The following MRE11 variants were observed in gnomAD, a reference collection of about 807,000 sequenced individuals.
MRE11 encodes double-strand break repair protein MRE11.
Under a neutral mutation model 91.7 loss-of-function variants are expected in MRE11, and 62 were observed. That is an observed-to-expected ratio of 0.68 (90% CI 0.55 to 0.84). The LOEUF is 0.84. MRE11 is among the 40% of genes least tolerant of loss of function. The pLI is 0.00. For synonymous variants in MRE11, 273 were observed against 271.4 expected (o/e 1.01, Z -0.06); for missense variants, 796 against 852.9 (o/e 0.93, Z 0.83).
intron 3 of MRE11, among the ~76,000 whole-genome samples, chr11:94,489,822 T>G (rs374974265): frequency 1.9e-4 from 29 of 152,280 alleles, no homozygotes; most frequent in African/African-American, 5.8e-4. Context: ...AACTCTAAGT[T>G]TGTCGAAATC....
intron 13 of MRE11, among the ~76,000 whole-genome samples, chr11:94,457,750 A>C (rs1309234494): frequency 1.3e-5 from 2 of 152,056 alleles, no homozygotes; most frequent in African/African-American, 4.8e-5. Context: ...GAGGATACTG[A>C]GGGATAGGTG....
At chr11:94,489,936 G>A (rs1205031869) in intron 3 of MRE11, among the ~76,000 whole-genome samples, 2 of 152,046 alleles carry the variant, frequency 1.3e-5, no homozygotes, top group Admixed American at 1.3e-4. Flanking sequence ...ACACTTCAGA[G>A]TCACTGTCAT....
At chr11:94,453,299 A>C (rs12284009) in intron 14 of MRE11, among the ~76,000 whole-genome samples, 6,510 of 152,276 alleles carry the variant, frequency 0.043, 460 homozygotes, top group African/African-American at 0.15. Flanking sequence ...CTGATGTACA[A>C]ATAAGTTCCT....
At chr11:94,462,868 G>A (rs970082423) in intron 11 of MRE11, among the ~76,000 whole-genome samples, 1 of 152,182 alleles carries the variant, frequency 6.6e-6, no homozygotes, top group Non-Finnish European at 1.5e-5. Context: ...ACAGAGGCAT[G>A]AGCAAGGACT....
chr11:94,420,319 C>A (rs1945137069), intron 19 of MRE11, 138 bp from the exon 20 acceptor site: 1 of 642,266 alleles, frequency 1.6e-6, no homozygotes, highest in Non-Finnish European at 2.7e-6. Context: ...TCCTTTATAA[C>A]TGCAAAATAT....
intron 18 of MRE11, among the ~76,000 whole-genome samples, chr11:94,433,902 C>T (rs1410876688): frequency 6.6e-6 from 1 of 152,164 alleles, no homozygotes; most frequent in Admixed American, 6.5e-5. Context: ...AATGTAGCTT[C>T]CTCAGAGGCT....
At chr11:94,430,485 CTTTTT>C (rs56158500) in intron 18 of MRE11, among the ~76,000 whole-genome samples, 1 of 143,912 alleles carries the variant, frequency 6.9e-6, no homozygotes, top group Non-Finnish European at 1.5e-5. Flanking sequence ...TCTTTTTACT[CTTTTT>C]TTTTTTTTTG....
intron 6 of MRE11, 23 bp from the exon 7 acceptor site, chr11:94,476,426 T>C (rs763603198): frequency 6.8e-7 from 1 of 1,469,250 alleles, no homozygotes; most frequent in Non-Finnish European, 9.5e-7. Context: ...TTACATTATT[T>C]TTAAATTGTT....
intron 10 of MRE11, among the ~76,000 whole-genome samples, chr11:94,466,163 G>A (rs554982507): frequency 7.2e-5 from 11 of 152,174 alleles, no homozygotes; most frequent in African/African-American, 2.7e-4. Flanking sequence ...GCACCCAGGG[G>A]ACGGCAGCTT....
chr11:94,468,735 A>G (rs759957981), intron 9 of MRE11, among the ~76,000 whole-genome samples: 6 of 152,198 alleles, frequency 3.9e-5, no homozygotes, highest in Non-Finnish European at 8.8e-5. Flanking sequence ...TGCATATTCA[A>G]TATGGTTGCC....
chr11:94,425,168 G>A (rs1414958043), intron 19 of MRE11, among the ~76,000 whole-genome samples: 6 of 152,132 alleles, frequency 3.9e-5, no homozygotes, highest in Admixed American at 3.9e-4. Flanking sequence ...AACCTTACAA[G>A]CCAGAAGAGA....
At position 94,419,007 on chromosome 11, in the gene MRE11, T is replaced by C. The variant is rs1945094559; in HGVS notation, c.*1118A>G. Reference sequence around the variant, plus strand: ...GTCGGGCCATTGTACTCCCAAGATGTATAACTTGAATTTTAAAGTAAAGCT... The same window carrying C: ...GTCGGGCCATTGTACTCCCAAGATGCATAACTTGAATTTTAAAGTAAAGCT... On this transcript the variant is annotated 3_prime_UTR_variant, in exon 20 of 20. Coordinates refer to ENST00000323929, the MANE Select transcript of MRE11 (RefSeq NM_005591.4). The C allele has an allele frequency of 4.3e-6, 1 of 231,386 alleles. No homozygotes were observed. Among genetic ancestry groups the C allele is most frequent in the African/African-American group, 2.2e-5 (1 of 45,252 alleles). 14.3% of individuals were successfully genotyped at this position (231,386 alleles called of 1,614,324 possible). A position where few individuals can be genotyped will look rare whatever the true frequency, so the allele number is the denominator to read the frequency against.
At chr11:94,466,602 C>T (rs372712535) in intron 10 of MRE11, 4 of 421,254 alleles carry the variant, frequency 9.5e-6, no homozygotes, top group African/African-American at 2.0e-5. Context: ...ATAAGGGATG[C>T]GGTTGCTCAA....
intron 4 of MRE11, among the ~76,000 whole-genome samples, chr11:94,483,116 T>C (rs1355907469): frequency 6.6e-6 from 1 of 152,038 alleles, no homozygotes; most frequent in East Asian, 1.9e-4. Flanking sequence ...CATTTTCATG[T>C]GGACAAAATC....
chr11:94,452,035 G>C (rs1354279508), intron 14 of MRE11, among the ~76,000 whole-genome samples: 1 of 151,954 alleles, frequency 6.6e-6, no homozygotes, highest in Non-Finnish European at 1.5e-5. Flanking sequence ...GTGAAACCCT[G>C]TCTCTACTAA....
intron 16 of MRE11, among the ~76,000 whole-genome samples, chr11:94,445,190 T>C (rs13447704): frequency 0.013 from 2,000 of 152,354 alleles, 18 homozygotes; most frequent in Middle Eastern, 0.031. Flanking sequence ...ACAGTTCCTC[T>C]CTCTTTCGAC....
chr11:94,448,281 T>C (rs1945998376), intron 14 of MRE11, among the ~76,000 whole-genome samples: 1 of 151,868 alleles, frequency 6.6e-6, no homozygotes. Context: ...AAATATATGG[T>C]AAAGAGAATT....
rs786201176 is a variant in MRE11, at chr11:94,485,935, A to G, written c.303T>C (p.Phe101=). The G allele has an allele frequency of 1.9e-6, 3 of 1,612,932 alleles. No individual in the cohort carries two copies. Among genetic ancestry groups the G allele is most frequent in the Non-Finnish European group, 2.5e-6 (3 of 1,179,910 alleles). Residue 101 remains phenylalanine (F), a synonymous_variant, in exon 4 of 20, where the codon TTT becomes TTC. Transcript: ENST00000323929. ...ATAAATATACTTACTTACTAAAACC[A>G]AAGTTGACTGACTGATCACTGAGAA... ...FEILSDQSVN[F]GFSKFPWVNY...
At chr11:94,497,863 A>G (rs117168338), upstream of MRE11, 8,219 of 497,132 alleles carry the variant, frequency 0.017, 87 homozygotes, top group Non-Finnish European at 0.023. Context: ...TAGAAGCAAC[A>G]AAGTGTAGTT....
Sources: gnomAD v4.1 joint callset for allele counts (sites outside exome capture counted in the v4.1 genomes callset) on GRCh38, gnomAD v4.1.1 for gene constraint, MANE v1.5 for transcripts, NCBI Gene and HGNC (gene_info 2026-07-23, HGNC 2026-07-21) for gene names.